SNX18: variants seen among roughly 807,000 people sequenced by gnomAD.
SNX18 encodes the protein sorting nexin 18.
Under a neutral mutation model 48.7 loss-of-function variants are expected in SNX18, and 35 were observed. That is an observed-to-expected ratio of 0.72 (90% CI 0.55 to 0.95). The LOEUF (loss-of-function observed/expected upper bound fraction) is 0.95, where lower values mean the gene tolerates loss of function less well. SNX18 is among the 40% of genes least tolerant of loss of function. The pLI is 0.00. For missense variants in SNX18, 824 were observed against 871.0 expected (o/e 0.95, Z 0.68); for synonymous variants, 492 against 384.7 (o/e 1.28, Z -3.26).
the SNX18 span, among the ~76,000 whole-genome samples, chr5:54,575,368 C>CTTTTTT: frequency 4.5e-5 from 5 of 111,742 alleles, no homozygotes; most frequent in African/African-American, 1.1e-4. Context: ...CTCCCCACTG[C>CTTTTTT]TTTTTTTTTT....
At chr5:54,540,016 C>T (rs967070345) in intron 1 of SNX18, among the ~76,000 whole-genome samples, 12 of 151,890 alleles carry the variant, frequency 7.9e-5, no homozygotes, top group Admixed American at 6.6e-4. Flanking sequence ...GGATTACAGG[C>T]GCCCACCACC....
At position 54,543,645 on chromosome 5, in the gene SNX18, A is replaced by T; in HGVS notation, c.*213A>T. 1 of 554,132 alleles carries T rather than the reference A, an allele frequency of 1.8e-6. No homozygotes were observed. 34.3% of individuals were successfully genotyped at this position (554,132 alleles called of 1,614,324 possible). Reference sequence around the variant, plus strand: ...CAGTACCACACATTGTAACTAAATTATACTATGTATGCCTACACTACCATT... The same window carrying T: ...CAGTACCACACATTGTAACTAAATTTTACTATGTATGCCTACACTACCATT... On this transcript the variant is annotated 3_prime_UTR_variant, in exon 2 of 2. Coordinates refer to ENST00000381410, the MANE Select transcript of SNX18 (RefSeq NM_001102575.2).
chr5:54,607,916 C>T, the SNX18 span, among the ~76,000 whole-genome samples: 6 of 151,786 alleles, frequency 4.0e-5, no homozygotes, highest in Admixed American at 6.6e-5. Flanking sequence ...CCTGGGTGAC[C>T]GAGCAAGACT....
At chr5:54,531,959 T>C (rs1762259155) in intron 1 of SNX18, among the ~76,000 whole-genome samples, 2 of 152,194 alleles carry the variant, frequency 1.3e-5, no homozygotes, top group South Asian at 4.1e-4. Context: ...TTTGCAGATA[T>C]TCTGCTAACT....
chr5:54,607,917 G>A, the SNX18 span, among the ~76,000 whole-genome samples: 1 of 151,952 alleles, frequency 6.6e-6, no homozygotes, highest in Admixed American at 6.5e-5. Flanking sequence ...CTGGGTGACC[G>A]AGCAAGACTG....
At chr5:54,623,504 C>T in the SNX18 span, among the ~76,000 whole-genome samples, 1 of 151,838 alleles carries the variant, frequency 6.6e-6, no homozygotes, top group Non-Finnish European at 1.5e-5. Flanking sequence ...TGGATCAGAC[C>T]AGCCTAGATC....
the SNX18 span, among the ~76,000 whole-genome samples, chr5:54,583,511 G>A: frequency 3.3e-5 from 5 of 152,172 alleles, no homozygotes; most frequent in Non-Finnish European, 7.3e-5. Context: ...GAGTGGCAGT[G>A]GACATTCTGG....
chr5:54,550,642 G>C (rs1762635722), downstream of SNX18, among the ~76,000 whole-genome samples: 1 of 152,176 alleles, frequency 6.6e-6, no homozygotes, highest in African/African-American at 2.4e-5. Context: ...GGAGTGCAGT[G>C]GTGCGATCTT....
Position 54,518,587 on chromosome 5 carries a change from CG to C in SNX18, c.636del (p.Gln213SerfsTer13), listed in dbSNP as rs1761932664. The C allele has an allele frequency of 6.3e-7, 1 of 1,581,270 alleles. No homozygotes were observed. The highest frequency in any genetic ancestry group is 1.3e-5 in the African/African-American group (1 of 74,238). ...GGTTCCCGCGGCGGCTCGGTCCCCCCGCAGCACCACCCGTCGGGGCCCAAGA... is the reference window on the plus strand; with the variant it reads ...GGTTCCCGCGGCGGCTCGGTCCCCCCCAGCACCACCCGTCGGGGCCCAAGA... ...SLGSRGGSVP[P>X]QHHPSGPKSS... On this transcript the variant is annotated frameshift_variant, in exon 1 of 2. Coordinates refer to ENST00000381410, the MANE Select transcript of SNX18 (RefSeq NM_001102575.2). LOFTEE classifies it high-confidence loss of function.
the SNX18 span, among the ~76,000 whole-genome samples, chr5:54,612,983 C>T: frequency 6.6e-6 from 1 of 152,236 alleles, no homozygotes; most frequent in Non-Finnish European, 1.5e-5. Flanking sequence ...CACAGCAAAG[C>T]TGTCATCTTG....
chr5:54,634,752 A>T, the SNX18 span, among the ~76,000 whole-genome samples: 3 of 152,106 alleles, frequency 2.0e-5, no homozygotes, highest in African/African-American at 7.2e-5. Context: ...TCCCAAATTA[A>T]AAAAAAATTC....
chr5:54,518,021 G>A lies in SNX18; in HGVS notation c.69G>A (p.Glu23=), dbSNP rs548348827. 2 of 1,548,258 alleles carry A rather than the reference G, an allele frequency of 1.3e-6. No individual in the cohort carries two copies. The highest frequency in any genetic ancestry group is 1.9e-5 in the Admixed American group (1 of 52,210). ...SENPGEISLR[E]HEVLSLCSEQ... ...ACCCAGGAGAGATCTCGCTGCGAGA[G>A]CACGAGGTGCTGAGCCTGTGCAGCG... The change falls in exon 1 of 2, where the codon GAG becomes GAA. Residue 23 remains glutamate, a synonymous_variant. Transcript: ENST00000381410.
At chr5:54,574,129 A>G in the SNX18 span, among the ~76,000 whole-genome samples, 1 of 152,194 alleles carries the variant, frequency 6.6e-6, no homozygotes, top group Non-Finnish European at 1.5e-5. Context: ...ACTCGACCAG[A>G]CAACTGGTGT....
intron 1 of SNX18, among the ~76,000 whole-genome samples, chr5:54,524,286 A>G (rs565975234): frequency 2.0e-5 from 3 of 152,298 alleles, no homozygotes; most frequent in East Asian, 1.9e-4. Context: ...CACCGCTCAT[A>G]CCACACCGTC....
intron 1 of SNX18, among the ~76,000 whole-genome samples, chr5:54,523,478 T>G (rs1762069218): frequency 6.6e-6 from 1 of 152,150 alleles, no homozygotes; most frequent in Admixed American, 6.5e-5. Flanking sequence ...TTGGACTAAA[T>G]AAAAATGGCT....
At chr5:54,520,857 AAGGG>A (rs1383269182) in intron 1 of SNX18, 2 of 167,064 alleles carry the variant, frequency 1.2e-5, no homozygotes, top group Admixed American at 6.5e-5. Context: ...CTGCCGCTGA[AAGGG>A]AGTACCCTGG....
the SNX18 span, among the ~76,000 whole-genome samples, chr5:54,635,464 C>T: frequency 6.6e-6 from 1 of 152,156 alleles, no homozygotes; most frequent in Admixed American, 6.5e-5. Flanking sequence ...TTCTTCTGCT[C>T]CAGGCTTTAA....
the SNX18 span, among the ~76,000 whole-genome samples, chr5:54,610,704 G>A: frequency 5.3e-5 from 8 of 152,226 alleles, no homozygotes; most frequent in Non-Finnish European, 8.8e-5. Flanking sequence ...TCCTCTGCCA[G>A]CAGAAGAATG....
chr5:54,598,685 T>C, the SNX18 span, among the ~76,000 whole-genome samples: 1 of 152,168 alleles, frequency 6.6e-6, no homozygotes, highest in African/African-American at 2.4e-5. Flanking sequence ...TCAGCATCCC[T>C]TTTTGTTAAA....
Sources: allele counts gnomAD v4.1 joint callset (sites outside exome capture counted in the v4.1 genomes callset), GRCh38; gene constraint gnomAD v4.1.1; transcripts MANE v1.5; gene names NCBI Gene and HGNC (gene_info 2026-07-23, HGNC 2026-07-21).